Variants in NYAP2 observed in about 807,000 individuals in gnomAD.
NYAP2 encodes the protein neuronal tyrosine-phosphorylated phosphoinositide-3-kinase adaptor 2.
Under a neutral mutation model 50.4 loss-of-function variants are expected in NYAP2, and 23 were observed. The ratio of observed to expected loss-of-function variants is 0.46; its 90% CI spans 0.33 to 0.65. The LOEUF is 0.65. Ranked by LOEUF, NYAP2 falls within the 30% of genes least tolerant of loss-of-function variation. NYAP2 has a pLI of 0.02. For synonymous variants in NYAP2, 394 were observed against 365.2 expected (o/e 1.08, Z -0.90); for missense variants, 885 against 861.0 (o/e 1.03, Z -0.35).
At chr2:225,668,490 T>A in the NYAP2 span, among the ~76,000 whole-genome samples, 1 of 152,220 alleles carries the variant, frequency 6.6e-6, no homozygotes, top group Non-Finnish European at 1.5e-5. Context: ...GTATATTATG[T>A]TTCTTGTATT....
chr2:225,460,257 A>ATTAAT lies in NYAP2; in HGVS notation c.221+51157_221+51161dup, dbSNP rs532301315. ...ATAATTAATAAGGTAGCAATTTCTT[A>ATTAAT]TTAATCAGTTTGACATATGTATTTT... On this transcript the variant is annotated intron_variant, in intron 3 of 6. Transcript: ENST00000636099. Among the ~76,000 whole-genome samples, 260 of 152,328 alleles carry ATTAAT rather than the reference A, an allele frequency of 1.7e-3. 1 individual carries two copies. The highest frequency in any genetic ancestry group is 0.015 in the Admixed American group (236 of 15,296).
intron 5 of NYAP2, among the ~76,000 whole-genome samples, chr2:225,589,866 C>G (rs1281764751): frequency 6.6e-6 from 1 of 152,068 alleles, no homozygotes; most frequent in Non-Finnish European, 1.5e-5. Flanking sequence ...TTGGATCTCT[C>G]CTTTGCAATA....
chr2:225,662,159 C>T, the NYAP2 span, among the ~76,000 whole-genome samples: 1 of 152,222 alleles, frequency 6.6e-6, no homozygotes, highest in Non-Finnish European at 1.5e-5. Flanking sequence ...TCAACTAGGA[C>T]TTCAAATAAG....
intron 3 of NYAP2, 24 bp downstream of exon 3, chr2:225,409,125 G>T: frequency 1.3e-6 from 2 of 1,510,100 alleles, no homozygotes; most frequent in South Asian, 1.2e-5. Context: ...AAATTATTTT[G>T]AGTTTTGTGC....
At chr2:225,645,075 C>T (rs913502961) in intron 6 of NYAP2, among the ~76,000 whole-genome samples, 1 of 152,080 alleles carries the variant, frequency 6.6e-6, no homozygotes, top group African/African-American at 2.4e-5. Context: ...GCTTGGCCAA[C>T]ATGGTGAAAC....
At chr2:225,443,420 A>G (rs1689502010) in intron 3 of NYAP2, among the ~76,000 whole-genome samples, 1 of 152,130 alleles carries the variant, frequency 6.6e-6, no homozygotes, top group South Asian at 2.1e-4. Context: ...GACCCCAGAC[A>G]CGCAGCTCTG....
At chr2:225,527,673 C>T (rs1425446859) in intron 4 of NYAP2, among the ~76,000 whole-genome samples, 2 of 151,780 alleles carry the variant, frequency 1.3e-5, no homozygotes, top group African/African-American at 4.8e-5. Context: ...GTGACAGGGT[C>T]TTTCTTCTCT....
At chr2:225,534,485 T>G (rs1282080250) in intron 4 of NYAP2, among the ~76,000 whole-genome samples, 1 of 152,242 alleles carries the variant, frequency 6.6e-6, no homozygotes, top group Non-Finnish European at 1.5e-5. Flanking sequence ...GGTGTTTATA[T>G]TCTACAGAAG....
intron 5 of NYAP2, among the ~76,000 whole-genome samples, chr2:225,614,062 ATTGT>A (rs1692944216): frequency 6.6e-6 from 1 of 152,196 alleles, no homozygotes; most frequent in African/African-American, 2.4e-5. Context: ...CAAATCCACG[ATTGT>A]ATCTGAGAAA....
intron 5 of NYAP2, 108 bp from the exon 6 acceptor site, chr2:225,626,809 T>A: frequency 1.2e-6 from 1 of 829,394 alleles, no homozygotes; most frequent in Non-Finnish European, 1.9e-6. Flanking sequence ...AGTCTGAGTT[T>A]CCAACAACAT....
intron 3 of NYAP2, among the ~76,000 whole-genome samples, chr2:225,438,541 A>C (rs377404724): frequency 2.7e-4 from 41 of 152,394 alleles, no homozygotes; most frequent in African/African-American, 9.4e-4. Flanking sequence ...TAAAAATATC[A>C]AGAAGTTTTG....
intron 5 of NYAP2, among the ~76,000 whole-genome samples, chr2:225,607,944 C>T (rs750554422): frequency 2.3e-4 from 35 of 152,154 alleles, no homozygotes; most frequent in Middle Eastern, 3.4e-3. Context: ...ATTTTTAATA[C>T]GCAGAGAATT....
At chr2:225,444,803 A>G (rs1689526153) in intron 3 of NYAP2, among the ~76,000 whole-genome samples, 1 of 152,162 alleles carries the variant, frequency 6.6e-6, no homozygotes, top group South Asian at 2.1e-4. Flanking sequence ...CATTTCTCCA[A>G]TCTACTCTGG....
intron 4 of NYAP2, among the ~76,000 whole-genome samples, chr2:225,562,570 T>C (rs943880977): frequency 1.3e-5 from 2 of 152,054 alleles, no homozygotes; most frequent in Non-Finnish European, 2.9e-5. Context: ...CTGAGAACAA[T>C]TTGTCTTCCC....
chr2:225,432,421 T>C (rs561360066), intron 3 of NYAP2, among the ~76,000 whole-genome samples: 1 of 150,168 alleles, frequency 6.7e-6, no homozygotes. Context: ...AAATCAACTT[T>C]ATATATATAA....
At chr2:225,408,907 T>C (rs767000354) in exon 3 of NYAP2, 23 of 1,610,182 alleles carry the variant, frequency 1.4e-5, no homozygotes, top group Non-Finnish European at 2.0e-5. Flanking sequence ...TGATGAGTTC[T>C]AATCCTGAGG....
chr2:225,482,763 C>A (rs538966424), intron 3 of NYAP2, among the ~76,000 whole-genome samples: 1 of 152,270 alleles, frequency 6.6e-6, no homozygotes, highest in East Asian at 1.9e-4. Context: ...TAGCTGGATT[C>A]CCTAGGCAGC....
chr2:225,517,337 T>C (rs1177534564), intron 4 of NYAP2, among the ~76,000 whole-genome samples: 1 of 152,154 alleles, frequency 6.6e-6, no homozygotes, highest in Non-Finnish European at 1.5e-5. Context: ...TGAGAGGCCC[T>C]ATGAGCTGTG....
the NYAP2 span, chr2:225,698,834 T>C: frequency 6.6e-6 from 1 of 151,978 alleles, no homozygotes; most frequent in African/African-American, 2.4e-5. Flanking sequence ...TACAGAAATA[T>C]CAAGAGTTTA....
Sources: allele counts gnomAD v4.1 joint callset (sites outside exome capture counted in the v4.1 genomes callset), GRCh38; gene constraint gnomAD v4.1.1; transcripts MANE v1.5; gene names NCBI Gene and HGNC (gene_info 2026-07-23, HGNC 2026-07-21).